The following WWC1 variants were observed in gnomAD, a reference collection of about 807,000 sequenced individuals.
The protein encoded by WWC1 is protein KIBRA.
Under a neutral mutation model 138.4 loss-of-function variants are expected in WWC1, and 55 were observed. The ratio of observed to expected loss-of-function variants is 0.40; its 90% CI spans 0.32 to 0.50. WWC1 has a LOEUF of 0.50. WWC1 is among the 20% of genes least tolerant of loss of function. The pLI is 0.72. For missense variants in WWC1, 1,226 were observed against 1,420.4 expected, an observed-to-expected ratio of 0.86 and a Z score of 2.20; for synonymous variants, 524 against 564.9, an observed-to-expected ratio of 0.93 and a Z score of 1.03.
At chr5:168,367,009 G>T (rs1240421725) in intron 1 of WWC1, among the ~76,000 whole-genome samples, 1 of 151,684 alleles carries the variant, frequency 6.6e-6, no homozygotes, top group Non-Finnish European at 1.5e-5. Flanking sequence ...TGTTTGCCAG[G>T]CTGGTCTTGA....
At chr5:168,379,839 A>G (rs574417389) in intron 2 of WWC1, among the ~76,000 whole-genome samples, 1 of 152,342 alleles carries the variant, frequency 6.6e-6, no homozygotes, top group African/African-American at 2.4e-5. Flanking sequence ...GCCTCACACC[A>G]TGTGTAAAAC....
intron 5 of WWC1, among the ~76,000 whole-genome samples, chr5:168,401,721 C>T (rs922210258): frequency 2.0e-5 from 3 of 152,096 alleles, no homozygotes; most frequent in African/African-American, 4.8e-5. Context: ...ACGTTATATA[C>T]GTGTTATTTA....
intron 1 of WWC1, among the ~76,000 whole-genome samples, chr5:168,339,602 T>G (rs947407760): frequency 6.6e-6 from 1 of 152,122 alleles, no homozygotes; most frequent in Non-Finnish European, 1.5e-5. Flanking sequence ...ATCTGTAAAG[T>G]GGGAAAAATA....
At chr5:168,357,227 G>A (rs73383505) in intron 1 of WWC1, among the ~76,000 whole-genome samples, 2,157 of 151,940 alleles carry the variant, frequency 0.014, 51 homozygotes, top group African/African-American at 0.048. Flanking sequence ...TTCATTTGGT[G>A]CCCACTCATA....
intron 1 of WWC1, among the ~76,000 whole-genome samples, chr5:168,314,776 C>T (rs1468254735): frequency 1.3e-5 from 2 of 152,108 alleles, no homozygotes; most frequent in East Asian, 1.9e-4. Flanking sequence ...GAGCCATTCA[C>T]GGGCTGCAGA....
intron 15 of WWC1, among the ~76,000 whole-genome samples, chr5:168,438,970 C>A (rs1754501782): frequency 6.6e-6 from 1 of 152,094 alleles, no homozygotes; most frequent in Non-Finnish European, 1.5e-5. Flanking sequence ...TCTTTCCCCA[C>A]CCCAGCCTCA....
intron 1 of WWC1, among the ~76,000 whole-genome samples, chr5:168,333,166 A>AG (rs1478894795): frequency 1.3e-5 from 2 of 152,236 alleles, no homozygotes; most frequent in Non-Finnish European, 2.9e-5. Flanking sequence ...TGGCATCTGT[A>AG]GGGGACCAAG....
chr5:168,407,277 C>T (rs1161753969), intron 6 of WWC1, among the ~76,000 whole-genome samples: 1 of 152,128 alleles, frequency 6.6e-6, no homozygotes, highest in Non-Finnish European at 1.5e-5. Flanking sequence ...TTGTATGCAT[C>T]ATGTCTCATC....
At chr5:168,412,081 C>G in intron 8 of WWC1, 1 of 985,458 alleles carries the variant, frequency 1.0e-6, no homozygotes, top group Non-Finnish European at 1.2e-6. Flanking sequence ...AAGAGGACCA[C>G]TCTGAACCTT....
chr5:168,356,188 G>A (rs1775399271), intron 1 of WWC1, among the ~76,000 whole-genome samples: 1 of 152,212 alleles, frequency 6.6e-6, no homozygotes, highest in Admixed American at 6.5e-5. Flanking sequence ...GATTTCTGCC[G>A]ACTAGATTCA....
chr5:168,347,453 G>T (rs1454330671), intron 1 of WWC1, among the ~76,000 whole-genome samples: 2 of 152,186 alleles, frequency 1.3e-5, no homozygotes, highest in Non-Finnish European at 2.9e-5. Flanking sequence ...GCTTCTCTAG[G>T]ATTTCTTTGG....
chr5:168,370,154 C>T lies in WWC1; in HGVS notation c.120-1270C>T, dbSNP rs190256812. ...CCTCAAGTGATCCACCCACCTCAGCCTCCCAAAGTGCTGGGATTATAGGCA... is the reference window on the plus strand; with the variant it reads ...CCTCAAGTGATCCACCCACCTCAGCTTCCCAAAGTGCTGGGATTATAGGCA... On this transcript the variant is annotated intron_variant, in intron 1 of 22. Transcript: ENST00000265293. Among the ~76,000 whole-genome samples, 91 of 152,292 alleles carry T rather than the reference C, an allele frequency of 6.0e-4. 1 individual carries two copies. Among genetic ancestry groups the T allele is most frequent in the Non-Finnish European group, 4.7e-4 (32 of 68,014 alleles).
chr5:168,450,567 G>A (rs908502557), intron 17 of WWC1, among the ~76,000 whole-genome samples: 2 of 152,174 alleles, frequency 1.3e-5, no homozygotes, highest in African/African-American at 4.8e-5. Context: ...TCGGGAGGCT[G>A]AGGCGGGAGA....
At chr5:168,385,160 C>T in intron 2 of WWC1, 51 bp from the exon 3 acceptor site, 1 of 1,600,350 alleles carries the variant, frequency 6.2e-7, no homozygotes, top group Non-Finnish European at 8.5e-7. Context: ...GGCCACCAGC[C>T]CAACAGATAT....
intron 9 of WWC1, among the ~76,000 whole-genome samples, 183 bp from the exon 10 acceptor site, chr5:168,421,825 G>A (rs1047739964): frequency 1.3e-5 from 2 of 152,150 alleles, no homozygotes; most frequent in South Asian, 2.1e-4. Context: ...TATATATATA[G>A]TGGGTGAGTG....
intron 2 of WWC1, among the ~76,000 whole-genome samples, chr5:168,382,914 G>A (rs373739502): frequency 9.9e-5 from 15 of 152,112 alleles, no homozygotes; most frequent in Non-Finnish European, 1.5e-4. Flanking sequence ...AGTGCCTCAC[G>A]CCTGTAATCC....
At position 168,339,943 on chromosome 5, in the gene WWC1, C is replaced by T. The variant is rs1196746569; in HGVS notation, c.120-31481C>T. Among the ~76,000 whole-genome samples the T allele has an allele frequency of 3.1e-5, 4 of 130,194 alleles. No homozygotes were observed. In the East Asian group the frequency reaches 1.1e-3, roughly 37 times the overall value. 85.4% of individuals were successfully genotyped at this position (130,194 alleles called of 152,430 possible). A position where few individuals can be genotyped will look rare whatever the true frequency, so the allele number is the denominator to read the frequency against. ...TCTCTCTTTCTCTCTTTCTCTCTCT[C>T]TCTCCCCCTCTCCCTCTCTCTCTCT... is the stretch of plus-strand genomic sequence containing the variant. On this transcript the variant is annotated intron_variant, in intron 1 of 22. Coordinates refer to ENST00000265293, the MANE Select transcript of WWC1 (RefSeq NM_015238.3).
chr5:168,446,140 T>A (rs570477326), intron 17 of WWC1, among the ~76,000 whole-genome samples: 3 of 148,698 alleles, frequency 2.0e-5, no homozygotes, highest in African/African-American at 2.5e-5. Flanking sequence ...AAAAGGTAAC[T>A]GTGGAAAACA....
intron 16 of WWC1, among the ~76,000 whole-genome samples, chr5:168,442,635 G>T (rs1448043382): frequency 2.0e-5 from 3 of 151,684 alleles, no homozygotes; most frequent in Non-Finnish European, 4.4e-5. Flanking sequence ...TCAGGAGTTT[G>T]AGACCACCCT....
Sources: gnomAD v4.1 joint callset for allele counts (sites outside exome capture counted in the v4.1 genomes callset) on GRCh38, gnomAD v4.1.1 for gene constraint, MANE v1.5 for transcripts, NCBI Gene and HGNC (gene_info 2026-07-23, HGNC 2026-07-21) for gene names.